FBXL17: variants seen among roughly 807,000 people sequenced by gnomAD.
FBXL17 encodes the protein F-box and leucine rich repeat protein 17.
Under a neutral mutation model 66.2 loss-of-function variants are expected in FBXL17, and 22 were observed. The ratio of observed to expected loss-of-function variants is 0.33; its 90% CI spans 0.24 to 0.47. The LOEUF (loss-of-function observed/expected upper bound fraction) is 0.47, where lower values mean the gene tolerates loss of function less well. Ranked by LOEUF, FBXL17 falls within the 20% of genes least tolerant of loss-of-function variation. The pLI, the probability that FBXL17 is intolerant of heterozygous loss-of-function variation, is 1.00. For synonymous variants in FBXL17, 474 were observed against 400.5 expected (o/e 1.18, Z -2.19); for missense variants, 878 against 948.2 (o/e 0.93, Z 0.97).
intron 4 of FBXL17, among the ~76,000 whole-genome samples, chr5:108,347,929 A>G (rs1747385995): frequency 6.6e-6 from 1 of 152,156 alleles, no homozygotes; most frequent in Admixed American, 6.5e-5. Flanking sequence ...AAATCTATGT[A>G]ATTGCCCTAT....
At chr5:107,939,217 A>C (rs1452117209) in intron 7 of FBXL17, among the ~76,000 whole-genome samples, 1 of 152,090 alleles carries the variant, frequency 6.6e-6, no homozygotes, top group Non-Finnish European at 1.5e-5. Context: ...TTTTACCTAC[A>C]AGTAATATGT....
intron 4 of FBXL17, among the ~76,000 whole-genome samples, chr5:108,333,169 C>T (rs200249105): frequency 6.7e-5 from 7 of 104,792 alleles, no homozygotes; most frequent in South Asian, 3.5e-4. Context: ...TATATATATA[C>T]ATATTCAACA....
intron 7 of FBXL17, among the ~76,000 whole-genome samples, chr5:107,882,089 C>G (rs577035870): frequency 1.3e-5 from 2 of 152,284 alleles, no homozygotes; most frequent in South Asian, 4.1e-4. Context: ...ACCCCAGCAC[C>G]AGTTTATGGT....
chr5:108,300,227 T>C (rs915711551), intron 4 of FBXL17, among the ~76,000 whole-genome samples: 1 of 151,926 alleles, frequency 6.6e-6, no homozygotes, highest in Non-Finnish European at 1.5e-5. Flanking sequence ...TTTACTTGAT[T>C]AAAAAATATA....
chr5:107,881,585 T>C (rs1254395266), intron 7 of FBXL17, among the ~76,000 whole-genome samples: 2 of 152,210 alleles, frequency 1.3e-5, no homozygotes, highest in East Asian at 3.8e-4. Flanking sequence ...AAACACCATT[T>C]TGAGGAGTGT....
chr5:108,102,872 A>G (rs1749653898), intron 6 of FBXL17, among the ~76,000 whole-genome samples: 1 of 152,236 alleles, frequency 6.6e-6, no homozygotes, highest in Non-Finnish European at 1.5e-5. Context: ...TCTTAAGACA[A>G]AGCAATTTTC....
chr5:108,237,257 C>T (rs1401871139), intron 4 of FBXL17, among the ~76,000 whole-genome samples: 2 of 152,182 alleles, frequency 1.3e-5, no homozygotes, highest in African/African-American at 2.4e-5. Context: ...CACAACACTT[C>T]ATGTTAAGTG....
chr5:108,264,265 G>A (rs1196897115), intron 4 of FBXL17, among the ~76,000 whole-genome samples: 5 of 133,214 alleles, frequency 3.8e-5, no homozygotes, highest in African/African-American at 1.4e-4. Flanking sequence ...CGTCTCTTTT[G>A]AATGAAATCA....
intron 4 of FBXL17, among the ~76,000 whole-genome samples, chr5:108,240,299 A>G (rs1755799132): frequency 6.6e-6 from 1 of 152,134 alleles, no homozygotes; most frequent in African/African-American, 2.4e-5. Flanking sequence ...TGGCATTTCT[A>G]TAACTACCCT....
chr5:108,336,671 C>A (rs899248754), intron 4 of FBXL17, among the ~76,000 whole-genome samples: 1 of 151,964 alleles, frequency 6.6e-6, no homozygotes, highest in Non-Finnish European at 1.5e-5. Context: ...TTTCAAAATC[C>A]ACTTTTAAGA....
intron 7 of FBXL17, among the ~76,000 whole-genome samples, chr5:107,918,573 A>G (rs1051831827): frequency 1.3e-5 from 2 of 152,160 alleles, no homozygotes; most frequent in African/African-American, 4.8e-5. Context: ...AAGAATATGG[A>G]TAAGTTTGCA....
At position 108,120,642 on chromosome 5, in the gene FBXL17, T is replaced by C. The variant is rs188707570; in HGVS notation, c.1745+65475A>G. Reference sequence around the variant, plus strand: ...GGCCAGGAGTTTGAGACCAGCCTGGTCAACACAGCAAGACTCTTATCTCTA... The same window carrying C: ...GGCCAGGAGTTTGAGACCAGCCTGGCCAACACAGCAAGACTCTTATCTCTA... On this transcript the variant is annotated intron_variant, in intron 6 of 8. Transcript: ENST00000542267. 2.3e-3 allele frequency among the ~76,000 whole-genome samples: 343 copies of C among 151,978 alleles called. 2 individuals carry two copies. Among genetic ancestry groups the C allele is most frequent in the Middle Eastern group, 6.8e-3 (2 of 294 alleles).
chr5:107,938,037 T>C (rs1375169436), intron 7 of FBXL17, among the ~76,000 whole-genome samples: 1 of 152,138 alleles, frequency 6.6e-6, no homozygotes, highest in Non-Finnish European at 1.5e-5. Context: ...AGTAATACTT[T>C]AAATAACAGT....
intron 7 of FBXL17, among the ~76,000 whole-genome samples, chr5:108,015,163 C>T (rs2112749226): frequency 6.6e-6 from 1 of 152,066 alleles, no homozygotes; most frequent in African/African-American, 2.4e-5. Context: ...AGGGGAACTC[C>T]AGGAATAAAA....
At chr5:108,370,200 T>C (rs1251981180) in intron 1 of FBXL17, among the ~76,000 whole-genome samples, 1 of 152,236 alleles carries the variant, frequency 6.6e-6, no homozygotes, top group African/African-American at 2.4e-5. Flanking sequence ...CGAATTGTTT[T>C]GTTTTGTTTT....
rs1255886155 is a variant in FBXL17 at position 107,859,122 on chromosome 5, A to G, written c.*2598T>C. The stretch of plus-strand genomic sequence containing the variant: ...CAAACCGGGTGAATTTTCTTTATCC[A>G]CTCAAAAAGACATTAAAGACAAAGG... On this transcript the variant is annotated 3_prime_UTR_variant, in exon 9 of 9. Coordinates refer to ENST00000542267, the MANE Select transcript of FBXL17 (RefSeq NM_001163315.3). 1 of 152,194 alleles carries G rather than the reference A, an allele frequency of 6.6e-6. No individual in the cohort carries two copies. The highest frequency in any genetic ancestry group is 1.5e-5 in the Non-Finnish European group (1 of 68,020). 9.4% of individuals were successfully genotyped at this position (152,194 alleles called of 1,614,324 possible).
intron 7 of FBXL17, among the ~76,000 whole-genome samples, chr5:107,973,518 C>T (rs34588969): frequency 0.022 from 3,337 of 151,996 alleles, 130 homozygotes; most frequent in African/African-American, 0.076. Context: ...GTCATACCTG[C>T]GCTCAGAAAA....
chr5:108,065,050 G>T (rs1325538268), intron 6 of FBXL17, among the ~76,000 whole-genome samples: 1 of 152,054 alleles, frequency 6.6e-6, no homozygotes, highest in Non-Finnish European at 1.5e-5. Context: ...TCTATCCCTA[G>T]AAGCTCAGTT....
rs570502995 is a variant in FBXL17, at chr5:108,167,933, C to T, written c.1745+18184G>A. 2.0e-5 allele frequency among the ~76,000 whole-genome samples: 3 copies of T among 152,224 alleles called. No individual in the cohort carries two copies. In the South Asian group the frequency reaches 6.2e-4, roughly 32 times the overall value. ...CTTTAAAGGGTCAGAAACGGAAAGA[C>T]TCATTTTACAAAAGCTGGTGGAAAA... is the stretch of plus-strand genomic sequence containing the variant. On this transcript the variant is annotated intron_variant, in intron 6 of 8. Transcript: ENST00000542267.
Sources: gnomAD v4.1 joint callset for allele counts (sites outside exome capture counted in the v4.1 genomes callset) on GRCh38, gnomAD v4.1.1 for gene constraint, MANE v1.5 for transcripts, NCBI Gene and HGNC (gene_info 2026-07-23, HGNC 2026-07-21) for gene names.